The following WNT7B variants were observed in gnomAD, a reference collection of about 807,000 sequenced individuals.
WNT7B encodes Wnt family member 7B, also known as protein Wnt-7b.
Under a neutral mutation model 38.2 loss-of-function variants are expected in WNT7B, and 19 were observed. The ratio of observed to expected loss-of-function variants is 0.50; its 90% CI spans 0.35 to 0.73. The LOEUF is 0.73. Ranked by LOEUF, WNT7B falls within the 30% of genes least tolerant of loss-of-function variation. The pLI is 0.01. For missense variants in WNT7B, 423 were observed against 507.9 expected (o/e 0.83, Z 1.61); for synonymous variants, 243 against 209.3 (o/e 1.16, Z -1.39).
chr22:45,969,788 G>A (rs1286460198), intron 1 of WNT7B, among the ~76,000 whole-genome samples: 1 of 152,206 alleles, frequency 6.6e-6, no homozygotes, highest in Admixed American at 6.5e-5. Flanking sequence ...CCAGCAATGG[G>A]ATCTGGAAAG....
At chr22:45,925,034 A>G (rs1308180783) in intron 3 of WNT7B, 1 of 954,178 alleles carries the variant, frequency 1.0e-6, no homozygotes, top group Non-Finnish European at 1.2e-6. Context: ...GGGTGGGTCC[A>G]AAGGCTCATC....
chr22:45,956,705 G>A (rs751427737), intron 1 of WNT7B, among the ~76,000 whole-genome samples: 5 of 152,220 alleles, frequency 3.3e-5, no homozygotes, highest in Admixed American at 1.3e-4. Flanking sequence ...TTCATGCAGC[G>A]TGACTACACG....
chr22:45,948,832 T>C lies in WNT7B; in HGVS notation c.298+1088A>G, dbSNP rs948126261. 7.8e-3 allele frequency among the ~76,000 whole-genome samples: 915 copies of C among 116,578 alleles called. 24 individuals carry two copies. The highest frequency in any genetic ancestry group is 0.05 in the African/African-American group (881 of 17,534). The allele number at this position is 116,578 out of a possible 152,430, so 76.5% of individuals were successfully genotyped here. ...AGGTCAGGCTCCAAAGATCCCTTTT[T>C]TTTTTTTTTTTTTTTTTTTTTTTTT... On this transcript the variant is annotated intron_variant, in intron 2 of 3. Transcript: ENST00000339464.
In WNT7B at chr22:45,949,719, A is replaced by G. The variant is rs112867400; in HGVS notation, c.298+201T>C. 4.9e-3 allele frequency among the ~76,000 whole-genome samples: 742 copies of G among 152,314 alleles called. 11 individuals carry two copies. The highest frequency in any genetic ancestry group is 0.016 in the African/African-American group (659 of 41,576). ...TTCATCTGCACACAGCCTGGCTCCC[A>G]TTGAGGCCTCCCCTGCCCCAGAAGC... On this transcript the variant is annotated intron_variant, in intron 2 of 3. Coordinates refer to ENST00000339464, the MANE Select transcript of WNT7B (RefSeq NM_058238.3).
intron 2 of WNT7B, among the ~76,000 whole-genome samples, chr22:45,946,207 G>C (rs956660260): frequency 6.6e-6 from 1 of 152,206 alleles, no homozygotes; most frequent in Non-Finnish European, 1.5e-5. Flanking sequence ...AGCCTCTCCT[G>C]TTAGCCCTGG....
chr22:45,924,622 A>T (rs1041590320), intron 3 of WNT7B, among the ~76,000 whole-genome samples: 2 of 152,266 alleles, frequency 1.3e-5, no homozygotes, highest in African/African-American at 4.8e-5. Context: ...ATGAAGGAAA[A>T]GGCTGGGCCC....
intron 3 of WNT7B, among the ~76,000 whole-genome samples, chr22:45,930,165 G>A (rs1255118769): frequency 6.6e-6 from 1 of 152,222 alleles, no homozygotes; most frequent in East Asian, 1.9e-4. Context: ...TGTGACCCCT[G>A]CACCCCTCAT....
intron 3 of WNT7B, among the ~76,000 whole-genome samples, chr22:45,929,363 T>C (rs1190600304): frequency 6.6e-6 from 1 of 151,302 alleles, no homozygotes; most frequent in African/African-American, 2.4e-5. Context: ...TATCCATCCA[T>C]CTATTCACCC....
At position 45,975,647 on chromosome 22, in the gene WNT7B, G is replaced by A. The variant is rs997400276; in HGVS notation, c.71+1037C>T. 4.2e-6 allele frequency: 3 copies of A among 707,830 alleles called. 1 individual carries two copies. The South Asian group carries it at 4.5e-5, about 11-fold the overall frequency. 43.8% of individuals were successfully genotyped at this position (707,830 alleles called of 1,614,324 possible). ...TGGGAAGCCGCGTCTCCCACCAGTGGTACCTGCACCTGCCCCTCCCGCGGG... is the reference window on the plus strand; with the variant it reads ...TGGGAAGCCGCGTCTCCCACCAGTGATACCTGCACCTGCCCCTCCCGCGGG... On this transcript the variant is annotated intron_variant, in intron 1 of 3. Transcript: ENST00000339464. This position sits in a 1 kb window ranked among gnomAD's most constrained non-coding sequence, Gnocchi z 6.6.
At chr22:45,955,223 G>A (rs1400116970) in intron 1 of WNT7B, among the ~76,000 whole-genome samples, 1 of 152,232 alleles carries the variant, frequency 6.6e-6, no homozygotes, top group Non-Finnish European at 1.5e-5. Context: ...GAGCCGGCCT[G>A]GCCCTGCCAC....
intron 1 of WNT7B, among the ~76,000 whole-genome samples, chr22:45,963,079 G>A (rs768755086): frequency 4.6e-5 from 7 of 152,168 alleles, no homozygotes; most frequent in Non-Finnish European, 5.9e-5. Flanking sequence ...GCCTCAGGCC[G>A]CAGTCCTGAA....
intron 2 of WNT7B, among the ~76,000 whole-genome samples, chr22:45,938,565 A>G (rs1931567979): frequency 6.6e-6 from 1 of 151,964 alleles, no homozygotes; most frequent in Non-Finnish European, 1.5e-5. Context: ...TGAACCTGGG[A>G]GAGGGGAGGT....
At chr22:45,929,501 C>T (rs898781619) in intron 3 of WNT7B, among the ~76,000 whole-genome samples, 1 of 143,788 alleles carries the variant, frequency 7.0e-6, no homozygotes, top group East Asian at 2.2e-4. Context: ...CCCACCCACC[C>T]ACCCACCAAT....
rs889959071 is a variant in WNT7B, at chr22:45,951,942, G to A, written c.72-1796C>T. On this transcript the variant is annotated intron_variant, in intron 1 of 3. Transcript: ENST00000339464. This position sits in a 1 kb window ranked among gnomAD's most constrained non-coding sequence, Gnocchi z 4.8. ...TCCCTTCGCTTTCTGAGGACTTGCC[G>A]GACTGCCCTCCACAGCGGCTGCCCC... Among the ~76,000 whole-genome samples the A allele has an allele frequency of 2.6e-5, 4 of 152,182 alleles. No homozygotes were observed. Among genetic ancestry groups the A allele is most frequent in the African/African-American group, 7.2e-5 (3 of 41,430 alleles).
chr22:45,950,687 T>C (rs1931911230), intron 1 of WNT7B, among the ~76,000 whole-genome samples: 1 of 152,186 alleles, frequency 6.6e-6, no homozygotes, highest in African/African-American at 2.4e-5. Context: ...TGTGTAACTT[T>C]GAGAAGGCAC....
rs1320337920 is a variant in WNT7B at position 45,921,258 on chromosome 22, A to C, written c.*1598T>G. 6.6e-6 allele frequency: 1 copy of C among 152,282 alleles called. No homozygotes were observed. The highest frequency in any genetic ancestry group is 1.5e-5 in the Non-Finnish European group (1 of 68,094). The allele number at this position is 152,282 out of a possible 1,614,324, so 9.4% of individuals were successfully genotyped here. A position where few individuals can be genotyped will look rare whatever the true frequency, so the allele number is the denominator to read the frequency against. ...ACAGGGGTGGGAGCATCCAGAAAGGACATGTCCAGCTCTGGATCCAGATTT... is the reference window on the plus strand; with the variant it reads ...ACAGGGGTGGGAGCATCCAGAAAGGCCATGTCCAGCTCTGGATCCAGATTT... On this transcript the variant is annotated 3_prime_UTR_variant, in exon 4 of 4. Coordinates refer to ENST00000339464, the MANE Select transcript of WNT7B (RefSeq NM_058238.3).
At chr22:45,933,766 T>C (rs1031863762) in intron 2 of WNT7B, among the ~76,000 whole-genome samples, 1 of 152,166 alleles carries the variant, frequency 6.6e-6, no homozygotes, top group Non-Finnish European at 1.5e-5. Flanking sequence ...GTGTGGTGTA[T>C]GTGTGGCTGT....
chr22:45,976,715 G>C lies in WNT7B; in HGVS notation c.40C>G (p.Leu14Val), dbSNP rs1431264809. Residue 14 changes from leucine to valine, a missense_variant, in exon 1 of 4, where the codon CTC becomes GTC. Coordinates refer to ENST00000339464, the MANE Select transcript of WNT7B (RefSeq NM_058238.3). The surrounding 1 kb of genome is among the most constrained non-coding windows in gnomAD (Gnocchi z 8.5). Reference sequence around the variant, plus strand: ...TTCACGTACAGGACGCCAAAGCAGAGAAACACGTAGAAAATCCACTTGCGA... The same window carrying C: ...TTCACGTACAGGACGCCAAAGCAGACAAACACGTAGAAAATCCACTTGCGA... ...NFRKWIFYVFLCFGVLYVKLG... is the reference protein window; with the variant it reads ...NFRKWIFYVFVCFGVLYVKLG... 1.2e-6 allele frequency: 2 copies of C among 1,610,200 alleles called. No individual in the cohort carries two copies. Among genetic ancestry groups the C allele is most frequent in the East Asian group, 2.2e-5 (1 of 44,732 alleles).
intron 1 of WNT7B, among the ~76,000 whole-genome samples, chr22:45,968,705 G>A (rs1280862212): frequency 6.6e-6 from 1 of 152,200 alleles, no homozygotes; most frequent in Non-Finnish European, 1.5e-5. Context: ...GTTCTGGGGA[G>A]TTTCCTGTGA....
Sources: allele counts gnomAD v4.1 joint callset (sites outside exome capture counted in the v4.1 genomes callset), GRCh38; gene constraint gnomAD v4.1.1; non-coding constraint Gnocchi (gnomAD v3.1); transcripts MANE v1.5; gene names NCBI Gene and HGNC (gene_info 2026-07-23, HGNC 2026-07-21).